Variants in FBXO34 observed in about 807,000 individuals in gnomAD.
The protein encoded by FBXO34 is F-box protein 34, also known as F-box only protein 34.
Under a neutral mutation model 24.5 loss-of-function variants are expected in FBXO34, and 12 were observed. That is an observed-to-expected ratio of 0.49 (90% CI 0.31 to 0.79). FBXO34 has a LOEUF of 0.79. Among genes scored for constraint, FBXO34 ranks in the 30% least tolerant of loss-of-function variants. The pLI is 0.04. For synonymous variants in FBXO34, 320 were observed against 311.9 expected (o/e 1.03, Z -0.27); for missense variants, 823 against 857.7 (o/e 0.96, Z 0.51).
intron 1 of FBXO34, among the ~76,000 whole-genome samples, chr14:55,292,767 C>G (rs998524499): frequency 2.6e-5 from 4 of 152,160 alleles, no homozygotes; most frequent in Non-Finnish European, 5.9e-5. Flanking sequence ...ACTTAGCTAC[C>G]ATAGGTACTG....
intron 1 of FBXO34, among the ~76,000 whole-genome samples, chr14:55,323,226 T>TATATA (rs1491370677): frequency 0.069 from 1,407 of 20,408 alleles, 46 homozygotes; most frequent in South Asian, 0.096. Flanking sequence ...AAAATATATA[T>TATATA]TTTTTTTTTT....
the FBXO34 span, among the ~76,000 whole-genome samples, chr14:55,392,838 C>G: frequency 2.1e-3 from 316 of 152,226 alleles, no homozygotes; most frequent in South Asian, 5.2e-3. Flanking sequence ...GAGCGAAACT[C>G]TAACATCTCG....
At chr14:55,297,070 G>A (rs144942905) in intron 1 of FBXO34, among the ~76,000 whole-genome samples, 40 of 152,242 alleles carry the variant, frequency 2.6e-4, no homozygotes, top group Non-Finnish European at 5.0e-4. Context: ...CTTGACCGGC[G>A]TCATTTTGGC....
At chr14:55,390,334 G>A in the FBXO34 span, among the ~76,000 whole-genome samples, 1 of 152,022 alleles carries the variant, frequency 6.6e-6, no homozygotes. Context: ...GCCTCCCAAA[G>A]TGCTGGGATT....
Position 55,339,387 on chromosome 14 carries a change from C to T in FBXO34, c.-10-10994C>T, listed in dbSNP as rs182119232. 9.6e-5 allele frequency: 14 copies of T among 145,902 alleles called. 3 individuals are homozygous for T. The highest frequency in any genetic ancestry group is 2.3e-4 in the African/African-American group (9 of 39,228). The allele number at this position is 145,902 out of a possible 1,614,324, so 9.0% of individuals were successfully genotyped here. Reference sequence around the variant, plus strand: ...GCTCCTTTAATCACCTGCCCCCCCCCCCAATCCTGGATCTATGCTAACCTG... The same window carrying T: ...GCTCCTTTAATCACCTGCCCCCCCCTCCAATCCTGGATCTATGCTAACCTG... On this transcript the variant is annotated intron_variant, in intron 1 of 1. Transcript: ENST00000313833.
At chr14:55,382,529 G>A in the FBXO34 span, among the ~76,000 whole-genome samples, 1 of 152,022 alleles carries the variant, frequency 6.6e-6, no homozygotes, top group South Asian at 2.1e-4. Context: ...TCACTTTGTT[G>A]CCCAGGCTGG....
At chr14:55,411,922 G>A in the FBXO34 span, 2 of 1,145,610 alleles carry the variant, frequency 1.7e-6, no homozygotes, top group East Asian at 2.6e-5. Context: ...TGGGATGCCG[G>A]CGAGCCCCCG....
At chr14:55,416,797 C>T in the FBXO34 span, among the ~76,000 whole-genome samples, 2 of 152,218 alleles carry the variant, frequency 1.3e-5, no homozygotes, top group African/African-American at 4.8e-5. Context: ...ACAGCAAACA[C>T]ACACATGCCC....
downstream of FBXO34, among the ~76,000 whole-genome samples, chr14:55,358,474 G>A (rs1029391843): frequency 2.6e-5 from 4 of 152,110 alleles, no homozygotes; most frequent in Non-Finnish European, 4.4e-5. Context: ...ACTGAGCCAC[G>A]CCTCAGCCAC....
At chr14:55,378,957 CTCAGCT>C in the FBXO34 span, among the ~76,000 whole-genome samples, 2 of 152,090 alleles carry the variant, frequency 1.3e-5, no homozygotes, top group African/African-American at 4.8e-5. Flanking sequence ...ATCCTCCTGC[CTCAGCT>C]TCCCAAAGTG....
chr14:55,337,520 T>G (rs1273053727), intron 1 of FBXO34, among the ~76,000 whole-genome samples: 1 of 152,236 alleles, frequency 6.6e-6, no homozygotes. Context: ...AAATAAAACT[T>G]GAATGTTTCT....
At chr14:55,311,762 T>G (rs1459345358) in intron 1 of FBXO34, among the ~76,000 whole-genome samples, 1 of 151,982 alleles carries the variant, frequency 6.6e-6, no homozygotes, top group Non-Finnish European at 1.5e-5. Flanking sequence ...AGTTTTGGTC[T>G]TGTTGCCCAG....
chr14:55,318,173 A>G (rs1207197109), intron 1 of FBXO34: 1 of 151,532 alleles, frequency 6.6e-6, no homozygotes. Context: ...ATGTCTTTAC[A>G]TTTCCCTAGG....
chr14:55,439,503 C>G, the FBXO34 span, among the ~76,000 whole-genome samples: 2 of 149,944 alleles, frequency 1.3e-5, no homozygotes, highest in African/African-American at 2.5e-5. Flanking sequence ...TAGAACCAGG[C>G]GGGGGGCCAG....
chr14:55,273,874 C>T (rs1201545855), intron 1 of FBXO34, among the ~76,000 whole-genome samples: 2 of 152,076 alleles, frequency 1.3e-5, no homozygotes, highest in African/African-American at 2.4e-5. Flanking sequence ...GGTGCGATCT[C>T]GGCTCACTGC....
At chr14:55,379,485 C>A in the FBXO34 span, among the ~76,000 whole-genome samples, 3 of 152,016 alleles carry the variant, frequency 2.0e-5, no homozygotes, top group African/African-American at 7.3e-5. Context: ...ACGGAGGTTG[C>A]AATGAGCTAA....
intron 1 of FBXO34, among the ~76,000 whole-genome samples, chr14:55,323,210 A>ATATAT (rs1351050999): frequency 0.11 from 3,639 of 32,532 alleles, 354 homozygotes; most frequent in East Asian, 0.13. Flanking sequence ...AAAAAAAAAA[A>ATATAT]AAAAAAAAAT....
At chr14:55,337,265 C>A (rs917228294) in intron 1 of FBXO34, among the ~76,000 whole-genome samples, 3 of 152,040 alleles carry the variant, frequency 2.0e-5, no homozygotes, top group Non-Finnish European at 4.4e-5. Context: ...TGAGCCACTG[C>A]ACCTGGTCCA....
At chr14:55,370,628 G>A (rs1172128571), downstream of FBXO34, among the ~76,000 whole-genome samples, 1 of 151,664 alleles carries the variant, frequency 6.6e-6, no homozygotes, top group Non-Finnish European at 1.5e-5. Context: ...GCAAACCTCA[G>A]AAGCCTTTCT....
Sources: allele counts gnomAD v4.1 joint callset (sites outside exome capture counted in the v4.1 genomes callset), GRCh38; gene constraint gnomAD v4.1.1; transcripts MANE v1.5; gene names NCBI Gene and HGNC (gene_info 2026-07-23, HGNC 2026-07-21).